The following SORCS2 variants were observed in gnomAD, a reference collection of about 807,000 sequenced individuals.
The protein encoded by SORCS2 is VPS10 domain-containing receptor SorCS2.
Under a neutral mutation model 141.6 loss-of-function variants are expected in SORCS2, and 100 were observed. The ratio of observed to expected loss-of-function variants is 0.71; its 90% CI spans 0.60 to 0.83. The LOEUF (loss-of-function observed/expected upper bound fraction) is 0.83, where lower values mean the gene tolerates loss of function less well. Among genes scored for constraint, SORCS2 ranks in the 40% least tolerant of loss-of-function variants. The pLI, the probability that SORCS2 is intolerant of heterozygous loss-of-function variation, is 0.00. For synonymous variants in SORCS2, 789 were observed against 676.9 expected (o/e 1.17, Z -2.57); for missense variants, 1,646 against 1,560.2 (o/e 1.05, Z -0.93).
At chr4:7,392,961 T>C (rs1387226341) in intron 1 of SORCS2, among the ~76,000 whole-genome samples, 5 of 151,084 alleles carry the variant, frequency 3.3e-5, no homozygotes, top group African/African-American at 9.7e-5. Flanking sequence ...TGAGCTGGCA[T>C]AGATTTGGAA....
rs1460192251 is a variant in SORCS2, at chr4:7,363,254, CATCATTACT to C, written c.481-33032_481-33024del. On this transcript the variant is annotated intron_variant, in intron 1 of 26. Transcript: ENST00000507866. ...TCATCACCACCATCACCATCATCAC[CATCATTACT>C]ACCATTACCATGATCATTATCATCA... Among the ~76,000 whole-genome samples the C allele has an allele frequency of 1.2e-4, 18 of 151,572 alleles. No homozygotes were observed. In the South Asian group the frequency reaches 3.3e-3, roughly 28 times the overall value.
intron 2 of SORCS2, among the ~76,000 whole-genome samples, chr4:7,462,718 A>G (rs1267520333): frequency 6.6e-6 from 1 of 151,762 alleles, no homozygotes; most frequent in Non-Finnish European, 1.5e-5. Flanking sequence ...AGCTAAGTGA[A>G]TAAAGGAGGC....
intron 12 of SORCS2, among the ~76,000 whole-genome samples, chr4:7,698,756 G>A (rs1013977343): frequency 6.6e-6 from 1 of 152,278 alleles, no homozygotes; most frequent in African/African-American, 2.4e-5. Flanking sequence ...ATGGCGCAGT[G>A]CAGGAAGGAG....
chr4:7,369,922 C>T (rs749796922), intron 1 of SORCS2, among the ~76,000 whole-genome samples: 2 of 152,224 alleles, frequency 1.3e-5, no homozygotes, highest in Non-Finnish European at 2.9e-5. Context: ...GTTCCTGCCC[C>T]CTTCCCTTCT....
chr4:7,484,540 G>T (rs766339044), intron 2 of SORCS2, among the ~76,000 whole-genome samples: 10 of 152,254 alleles, frequency 6.6e-5, no homozygotes, highest in Non-Finnish European at 1.0e-4. Context: ...AGGATAGAAA[G>T]GGCTTTGGGC....
At chr4:7,403,997 A>ATATATATATT (rs1265288820) in intron 2 of SORCS2, among the ~76,000 whole-genome samples, 10 of 18,968 alleles carry the variant, frequency 5.3e-4, no homozygotes, top group Admixed American at 2.1e-3. Context: ...ATATATATAT[A>ATATATATATT]TTTTTTTTTT....
chr4:7,327,673 C>T (rs907722230), intron 1 of SORCS2, among the ~76,000 whole-genome samples: 19 of 152,182 alleles, frequency 1.2e-4, no homozygotes, highest in East Asian at 1.9e-4. Flanking sequence ...CAGTGTCTCC[C>T]GGGACGTCTC....
At chr4:7,416,564 GCA>G (rs58327073) in intron 2 of SORCS2, among the ~76,000 whole-genome samples, 290 of 151,866 alleles carry the variant, frequency 1.9e-3, no homozygotes, top group South Asian at 2.9e-3. Flanking sequence ...ATGTGCACAT[GCA>G]CACACACACA....
At chr4:7,365,289 C>T (rs1721810625) in intron 1 of SORCS2, among the ~76,000 whole-genome samples, 1 of 151,998 alleles carries the variant, frequency 6.6e-6, no homozygotes, top group Non-Finnish European at 1.5e-5. Flanking sequence ...AGCTGGAGGG[C>T]AGTGCAGGGT....
chr4:7,296,392 A>G (rs1717054741), intron 1 of SORCS2, among the ~76,000 whole-genome samples: 1 of 152,332 alleles, frequency 6.6e-6, no homozygotes, highest in Middle Eastern at 3.4e-3. Context: ...GCTTGCTGGC[A>G]GGAAGCTCTG....
At chr4:7,589,786 A>C (rs906580700) in intron 3 of SORCS2, among the ~76,000 whole-genome samples, 1 of 152,202 alleles carries the variant, frequency 6.6e-6, no homozygotes, top group African/African-American at 2.4e-5. Context: ...CATTCTACAG[A>C]GAGGAACCTG....
At chr4:7,706,927 C>T (rs1725508968) in intron 14 of SORCS2, among the ~76,000 whole-genome samples, 1 of 152,306 alleles carries the variant, frequency 6.6e-6, no homozygotes, top group South Asian at 2.1e-4. Context: ...GGCTGGGAGA[C>T]ACCACCACTG....
intron 2 of SORCS2, among the ~76,000 whole-genome samples, chr4:7,508,106 T>G (rs1476005518): frequency 6.6e-6 from 1 of 151,342 alleles, no homozygotes; most frequent in Non-Finnish European, 1.5e-5. Context: ...GCTGGGGTGT[T>G]TGGTTTGGTT....
intron 3 of SORCS2, among the ~76,000 whole-genome samples, chr4:7,537,726 G>A (rs1045567723): frequency 5.9e-5 from 9 of 152,154 alleles, no homozygotes; most frequent in South Asian, 4.1e-4. Flanking sequence ...AGAAAAGGGC[G>A]GCCGGATGCA....
At chr4:7,502,528 G>T (rs2109433490) in intron 2 of SORCS2, among the ~76,000 whole-genome samples, 1 of 152,312 alleles carries the variant, frequency 6.6e-6, no homozygotes, top group African/African-American at 2.4e-5. Context: ...GGACATGGCT[G>T]GTCTGACTGT....
chr4:7,375,465 G>T (rs1420678829), intron 1 of SORCS2, among the ~76,000 whole-genome samples: 2 of 152,186 alleles, frequency 1.3e-5, no homozygotes, highest in African/African-American at 2.4e-5. Flanking sequence ...ACCGCGGTGG[G>T]ATTTCTGAAG....
intron 9 of SORCS2, among the ~76,000 whole-genome samples, chr4:7,677,980 G>C (rs1723274326): frequency 6.6e-6 from 1 of 152,148 alleles, no homozygotes; most frequent in Non-Finnish European, 1.5e-5. Context: ...CCAAGAACAG[G>C]GTGGGGTGGG....
At chr4:7,220,769 C>T (rs1002253750) in intron 1 of SORCS2, among the ~76,000 whole-genome samples, 1 of 152,122 alleles carries the variant, frequency 6.6e-6, no homozygotes, top group Non-Finnish European at 1.5e-5. Context: ...ATGCCACTTT[C>T]CAGCTCCTTC....
chr4:7,482,363 G>A (rs185511075), intron 2 of SORCS2, among the ~76,000 whole-genome samples: 19 of 44,554 alleles, frequency 4.3e-4, no homozygotes, highest in African/African-American at 2.2e-3. Context: ...CCCTGACGCC[G>A]TTCAGACCTG....
Sources: allele counts gnomAD v4.1 joint callset (sites outside exome capture counted in the v4.1 genomes callset), GRCh38; gene constraint gnomAD v4.1.1; transcripts MANE v1.5; gene names NCBI Gene and HGNC (gene_info 2026-07-23, HGNC 2026-07-21).